The following NAV2 variants were observed in gnomAD, a reference collection of about 807,000 sequenced individuals.
NAV2 encodes the protein helicase, APC down-regulated 1.
A neutral mutation model predicts 223.2 loss-of-function variants in NAV2; 54 were observed. The ratio of observed to expected loss-of-function variants is 0.24; its 90% CI spans 0.19 to 0.30. NAV2 has a LOEUF of 0.30. Ranked by LOEUF, NAV2 falls within the 10% of genes least tolerant of loss-of-function variation. The pLI is 1.00. For missense variants in NAV2, 2,806 were observed against 3,147.5 expected, an observed-to-expected ratio of 0.89 and a Z score of 2.60; for synonymous variants, 1,279 against 1,239.3, an observed-to-expected ratio of 1.03 and a Z score of -0.67.
intron 1 of NAV2, among the ~76,000 whole-genome samples, chr11:19,689,420 G>A (rs2049106412): frequency 6.6e-6 from 1 of 152,210 alleles, no homozygotes; most frequent in Admixed American, 6.5e-5. Flanking sequence ...AGGGACATGG[G>A]AACAGGACTC....
At chr11:20,006,979 A>G (rs1460571766) in intron 11 of NAV2, among the ~76,000 whole-genome samples, 2 of 151,582 alleles carry the variant, frequency 1.3e-5, no homozygotes, top group Non-Finnish European at 2.9e-5. Context: ...CTTTGGAGAC[A>G]GTGTCTCACT....
intron 1 of NAV2, among the ~76,000 whole-genome samples, chr11:19,555,273 C>A (rs1481503490): frequency 1.3e-5 from 2 of 152,206 alleles, no homozygotes; most frequent in East Asian, 3.9e-4. Context: ...CCAGGTAGGT[C>A]TGGGGCTGGG....
chr11:19,367,877 C>G (rs1848341317), intron 1 of NAV2, among the ~76,000 whole-genome samples: 1 of 152,196 alleles, frequency 6.6e-6, no homozygotes, highest in South Asian at 2.1e-4. Context: ...TACCCCAGAG[C>G]TGGAATAAAT....
chr11:19,378,479 G>A lies in NAV2; in HGVS notation c.75+27452G>A, dbSNP rs145280328. 1.1e-4 allele frequency among the ~76,000 whole-genome samples: 16 copies of A among 152,230 alleles called. No homozygotes were observed. The East Asian group carries it at 2.9e-3, about 28-fold the overall frequency. On this transcript the variant is annotated intron_variant, in intron 1 of 37. Coordinates refer to the NAV2 transcript ENST00000360655. ...TGGTGCGGGGTGCACGCACTGAATC[G>A]CTGATAGATGCCATGCACGGAATCA...
At position 20,042,594 on chromosome 11, in the gene NAV2, G is replaced by A. The variant is rs570303196; in HGVS notation, c.2908-1387G>A. Among the ~76,000 whole-genome samples, 7 of 152,290 alleles carry A rather than the reference G, an allele frequency of 4.6e-5. No homozygotes were observed. In the South Asian group the frequency reaches 8.3e-4, roughly 18 times the overall value. ...GGGGTTGGGGTGGTGTTGGGGAGGC[G>A]ATTGAACTTGGGCTGCCTATCTGTT... On this transcript the variant is annotated intron_variant, in intron 12 of 37. Transcript: ENST00000349880.
intron 1 of NAV2, among the ~76,000 whole-genome samples, chr11:19,636,034 G>T (rs2047489035): frequency 6.6e-6 from 1 of 152,226 alleles, no homozygotes; most frequent in African/African-American, 2.4e-5. Flanking sequence ...TGACCATTAT[G>T]CTCATGAAAT....
chr11:20,033,660 C>A (rs571216749), intron 11 of NAV2, among the ~76,000 whole-genome samples: 16 of 152,240 alleles, frequency 1.1e-4, no homozygotes, highest in African/African-American at 2.9e-4. Flanking sequence ...CATTTCTGTG[C>A]GATGTTCCAG....
chr11:19,875,642 A>G (rs2062792652), intron 4 of NAV2, among the ~76,000 whole-genome samples: 1 of 152,234 alleles, frequency 6.6e-6, no homozygotes. Flanking sequence ...TTGGGGATTG[A>G]TTGTAAATGA....
intron 1 of NAV2, among the ~76,000 whole-genome samples, chr11:19,451,256 T>G (rs1445209869): frequency 6.6e-6 from 1 of 152,158 alleles, no homozygotes; most frequent in African/African-American, 2.4e-5. Flanking sequence ...CCACCTCCTC[T>G]CATTTCTCTG....
At chr11:19,679,307 T>C (rs1310438539) in intron 1 of NAV2, among the ~76,000 whole-genome samples, 3 of 152,166 alleles carry the variant, frequency 2.0e-5, no homozygotes, top group Non-Finnish European at 2.9e-5. Flanking sequence ...GGCACATGCC[T>C]GTAGTCTCAG....
chr11:19,936,947 G>A (rs1249505445), intron 7 of NAV2, among the ~76,000 whole-genome samples: 1 of 152,132 alleles, frequency 6.6e-6, no homozygotes, highest in African/African-American at 2.4e-5. Context: ...AGACCAGCCT[G>A]GCCAACATGG....
chr11:19,881,798 G>C lies in NAV2; in HGVS notation c.770+1671G>C, dbSNP rs527659120. Among the ~76,000 whole-genome samples, 9 of 152,312 alleles carry C rather than the reference G, an allele frequency of 5.9e-5. No individual in the cohort carries two copies. In the East Asian group the frequency reaches 1.7e-3, roughly 29 times the overall value. On this transcript the variant is annotated intron_variant, in intron 5 of 37. Coordinates refer to ENST00000349880, the MANE Select transcript of NAV2 (RefSeq NM_145117.5). ...TAATAAGATGATGGGATTCAGAGGGGCTGGGTTGCTAATTTAGGTTTGGTT... is the reference window on the plus strand; with the variant it reads ...TAATAAGATGATGGGATTCAGAGGGCCTGGGTTGCTAATTTAGGTTTGGTT...
At chr11:19,969,936 ACT>A (rs1022922868) in intron 10 of NAV2, among the ~76,000 whole-genome samples, 17 of 150,602 alleles carry the variant, frequency 1.1e-4, no homozygotes, top group African/African-American at 4.2e-4. Flanking sequence ...ACAGAGCAAG[ACT>A]CTGTCTCAAA....
chr11:19,719,654 C>T (rs538664519), intron 1 of NAV2, among the ~76,000 whole-genome samples: 25 of 152,274 alleles, frequency 1.6e-4, no homozygotes, highest in Middle Eastern at 3.4e-3. Context: ...ACGTTCTTTC[C>T]ACCCTACCTC....
At chr11:20,075,597 C>G (rs1157697158) in intron 22 of NAV2, among the ~76,000 whole-genome samples, 1 of 152,088 alleles carries the variant, frequency 6.6e-6, no homozygotes, top group Non-Finnish European at 1.5e-5. Context: ...AACTATTCCA[C>G]TTAACATTTC....
intron 31 of NAV2, among the ~76,000 whole-genome samples, chr11:20,100,546 GGTGTGT>G (rs59857072): frequency 0.35 from 49,640 of 141,472 alleles, 9,383 homozygotes; most frequent in Middle Eastern, 0.57. Flanking sequence ...ATACTAGAGG[GGTGTGT>G]GTGTGTGTGT....
chr11:20,016,528 T>A (rs1196601281), intron 11 of NAV2, among the ~76,000 whole-genome samples: 1 of 152,206 alleles, frequency 6.6e-6, no homozygotes, highest in Non-Finnish European at 1.5e-5. Flanking sequence ...TGCAGCTCTA[T>A]AAGATAAAAT....
At chr11:19,984,626 G>T (rs2050605115) in intron 11 of NAV2, among the ~76,000 whole-genome samples, 1 of 152,170 alleles carries the variant, frequency 6.6e-6, no homozygotes, top group Admixed American at 6.5e-5. Flanking sequence ...CAGAAGGTCT[G>T]TGTGCAGAAG....
At chr11:20,029,376 G>A (rs191758777) in intron 11 of NAV2, among the ~76,000 whole-genome samples, 54 of 152,318 alleles carry the variant, frequency 3.5e-4, no homozygotes, top group Admixed American at 3.2e-3. Context: ...AAGCAGCATA[G>A]CTAAAAGCGT....
Sources: gnomAD v4.1 joint callset for allele counts (sites outside exome capture counted in the v4.1 genomes callset) on GRCh38, gnomAD v4.1.1 for gene constraint, MANE v1.5 for transcripts, NCBI Gene and HGNC (gene_info 2026-07-23, HGNC 2026-07-21) for gene names.